The following KPNA5 variants were observed in gnomAD, a reference collection of about 807,000 sequenced individuals.
KPNA5 encodes importin subunit alpha-6.
Under a neutral mutation model 71.3 loss-of-function variants are expected in KPNA5, and 46 were observed. That is an observed-to-expected ratio of 0.65 (90% CI 0.51 to 0.83). The LOEUF is 0.83. Among genes scored for constraint, KPNA5 ranks in the 40% least tolerant of loss-of-function variants. The pLI is 0.00. For synonymous variants in KPNA5, 207 were observed against 201.4 expected (o/e 1.03, Z -0.24); for missense variants, 547 against 628.3 (o/e 0.87, Z 1.38).
intron 4 of KPNA5, among the ~76,000 whole-genome samples, chr6:116,693,943 CT>C (rs564613583): frequency 0.015 from 2,221 of 152,096 alleles, 5 homozygotes; most frequent in Non-Finnish European, 0.024. Flanking sequence ...CCAGTTTCAG[CT>C]TTCTACATAT....
rs761664956 is a variant in KPNA5 at position 116,716,248 on chromosome 6, C to T, written c.686C>T (p.Thr229Ile). 1.9e-6 allele frequency: 3 copies of T among 1,613,054 alleles called. No homozygotes were observed. The Admixed American group carries it at 5.0e-5, about 27-fold the overall frequency. Residue 229 changes from threonine to isoleucine, a missense_variant, in exon 8 of 14, where the codon ACA (threonine) becomes ATA (isoleucine). Thr to Ile is a moderately conservative substitution (Grantham distance 89). Transcript: ENST00000368564. ...ELLTNSNRLT[T>I]TRNAVWALSN... ...TTAACAAATTCAAACAGACTCACAA[C>T]AACAAGAAATGCCGTGTGGGCCCTC... is the stretch of plus-strand genomic sequence containing the variant.
chr6:116,686,531 T>C (rs1777596290), intron 1 of KPNA5, among the ~76,000 whole-genome samples: 1 of 152,206 alleles, frequency 6.6e-6, no homozygotes, highest in South Asian at 2.1e-4. Context: ...ATTCTTTTGC[T>C]GTGCAGGAGC....
chr6:116,722,260 AG>A lies in KPNA5; in HGVS notation c.892del (p.Val298SerfsTer9). The A allele has an allele frequency of 6.2e-7, 1 of 1,610,642 alleles. No individual in the cohort carries two copies. The highest frequency in any genetic ancestry group is 8.5e-7 in the Non-Finnish European group (1 of 1,178,606). Reference protein sequence around the residue: ...DKIQAVIDSGVCRRLVELLMH... With the variant: ...DKIQAVIDSGXCRRLVELLMH... ...AAATTCAAGCAGTCATTGATTCTGGAGTCTGTCGAAGATTGGTGGAACTTTT... is the reference window on the plus strand; with the variant it reads ...AAATTCAAGCAGTCATTGATTCTGGATCTGTCGAAGATTGGTGGAACTTTT... On this transcript the variant is annotated frameshift_variant, in exon 9 of 14. Coordinates refer to ENST00000368564, the MANE Select transcript of KPNA5 (RefSeq NM_001366306.2). LOFTEE classifies it high-confidence loss of function.
Position 116,736,728 on chromosome 6 carries a change from C to T in KPNA5, c.*4405C>T, listed in dbSNP as rs770478565. ...TATATTAGTCTGCCTGAAATACTCA[C>T]ACAGCTTATTAATGCTTTGCTCATT... On this transcript the variant is annotated 3_prime_UTR_variant, in exon 14 of 14. Coordinates refer to ENST00000368564, the MANE Select transcript of KPNA5 (RefSeq NM_001366306.2). 5.3e-5 allele frequency: 8 copies of T among 151,958 alleles called. No homozygotes were observed. Among genetic ancestry groups the T allele is most frequent in the Non-Finnish European group, 7.4e-5 (5 of 67,938 alleles). The allele number at this position is 151,958 out of a possible 1,614,324, so 9.4% of individuals were successfully genotyped here.
At chr6:116,718,269 T>C (rs1778970974) in intron 8 of KPNA5, among the ~76,000 whole-genome samples, 1 of 149,632 alleles carries the variant, frequency 6.7e-6, no homozygotes, top group Admixed American at 6.6e-5. Flanking sequence ...TTTTTTTCTT[T>C]TTTTTTTTTT....
rs1353969121 is a variant in KPNA5, at chr6:116,741,408, A to G, written c.*9085A>G. On this transcript the variant is annotated 3_prime_UTR_variant, in exon 14 of 14. Transcript: ENST00000368564. ...TTGTACATTTATGTGCTAAAAGTAC[A>G]GAACAATAGTTGACATTTTCAGAGT... 6.6e-6 allele frequency: 1 copy of G among 152,172 alleles called. No homozygotes were observed. Among genetic ancestry groups the G allele is most frequent in the Non-Finnish European group, 1.5e-5 (1 of 68,036 alleles). The allele number at this position is 152,172 out of a possible 1,614,324, so 9.4% of individuals were successfully genotyped here.
intron 4 of KPNA5, 125 bp from the exon 5 acceptor site, chr6:116,698,579 G>A (rs1583413370): frequency 1.7e-6 from 1 of 591,608 alleles, no homozygotes; most frequent in East Asian, 3.5e-5. Context: ...TCTAGCTAAG[G>A]GTTTTAATCT....
At chr6:116,707,589 T>G (rs1778495728) in intron 7 of KPNA5, among the ~76,000 whole-genome samples, 1 of 152,202 alleles carries the variant, frequency 6.6e-6, no homozygotes, top group Non-Finnish European at 1.5e-5. Context: ...TCAGCATAGG[T>G]GAGTAATAAA....
chr6:116,689,397 C>A lies in KPNA5; in HGVS notation c.82C>A (p.Arg28Ser). The A allele has an allele frequency of 6.2e-7, 1 of 1,607,952 alleles. No individual in the cohort carries two copies. The highest frequency in any genetic ancestry group is 8.5e-7 in the Non-Finnish European group (1 of 1,177,480). The change falls in exon 2 of 14, where the codon CGT becomes AGT. Residue 28 changes from arginine to serine, a missense_variant. Physicochemically the swap from Arg to Ser is moderately radical, Grantham distance 110 (BLOSUM62 -1). Transcript: ENST00000368564. ...KNKALNPQEM[R>S]RRREEEGIQL... is the part of the protein sequence containing the mutation. ...TAAAGCCCTAAATCCTCAAGAGATG[C>A]GTAGACGAAGAGAAGAAGAAGGAAT...
rs184075047 is a variant in KPNA5 at position 116,727,033 on chromosome 6, T to C, written c.1253+411T>C. 4.8e-3 allele frequency among the ~76,000 whole-genome samples: 725 copies of C among 152,210 alleles called. 3 individuals are homozygous for C. The highest frequency in any genetic ancestry group is 7.0e-3 in the Non-Finnish European group (476 of 67,950). On this transcript the variant is annotated intron_variant, in intron 12 of 13. Transcript: ENST00000368564. Reference sequence around the variant, plus strand: ...TATATGGTGATGTTCTGGTCCTCATTGATTGTTAGCCTTGCCTATGGATAG... The same window carrying C: ...TATATGGTGATGTTCTGGTCCTCATCGATTGTTAGCCTTGCCTATGGATAG...
intron 10 of KPNA5, 46 bp from the exon 11 acceptor site, chr6:116,725,705 G>T (rs1779263052): frequency 1.3e-6 from 2 of 1,487,668 alleles, no homozygotes; most frequent in South Asian, 2.4e-5. Flanking sequence ...TTTCATATAG[G>T]TTATTTACTA....
chr6:116,730,341 C>T (rs1779438728), intron 13 of KPNA5, among the ~76,000 whole-genome samples: 2 of 151,944 alleles, frequency 1.3e-5, no homozygotes, highest in Admixed American at 1.3e-4. Context: ...GCCACCTCAA[C>T]CTCCCAAAGT....
chr6:116,685,241 C>T (rs998767154), intron 1 of KPNA5, among the ~76,000 whole-genome samples: 13 of 152,112 alleles, frequency 8.5e-5, no homozygotes, highest in African/African-American at 3.1e-4. Flanking sequence ...ACTCAAATAC[C>T]GTGCTAAATG....
At position 116,681,255 on chromosome 6, in the gene KPNA5, G is replaced by C; in HGVS notation, c.-80G>C. The C allele has an allele frequency of 6.3e-7, 1 of 1,586,822 alleles. No individual in the cohort carries two copies. Among genetic ancestry groups the C allele is most frequent in the South Asian group, 1.1e-5 (1 of 90,148 alleles). On this transcript the variant is annotated 5_prime_UTR_variant, in exon 1 of 14. Transcript: ENST00000368564. ...GTCGCTACGCTTCACGCCAGGGGCG[G>C]AGTGGCGGCCCTTCTGTTACCCGCC... is the stretch of plus-strand genomic sequence containing the variant.
chr6:116,723,803 C>T (rs1779203044), intron 9 of KPNA5, among the ~76,000 whole-genome samples: 1 of 151,918 alleles, frequency 6.6e-6, no homozygotes. Context: ...TTTGCATTAT[C>T]TCAAAGTATT....
intron 10 of KPNA5, 104 bp downstream of exon 10, chr6:116,724,479 A>G: frequency 2.8e-6 from 2 of 715,062 alleles, no homozygotes; most frequent in Non-Finnish European, 2.4e-6. Flanking sequence ...TAGCATCACC[A>G]TAATTGTGTG....
chr6:116,710,971 G>T (rs4946190), intron 7 of KPNA5, among the ~76,000 whole-genome samples: 36,885 of 137,970 alleles, frequency 0.27, 5,822 homozygotes, highest in African/African-American at 0.43. Flanking sequence ...CTCGACTCAC[G>T]GCACACTCTG....
At chr6:116,692,193 A>C in intron 3 of KPNA5, 37 bp downstream of exon 3, 1 of 1,470,218 alleles carries the variant, frequency 6.8e-7, no homozygotes. Flanking sequence ...ATTATACCTC[A>C]ATAATTTTAG....
Position 116,722,261 on chromosome 6 carries a change from G to A in KPNA5, c.892G>A (p.Val298Ile), listed in dbSNP as rs769366203. Residue 298 changes from valine (V) to isoleucine (I), a missense_variant, in exon 9 of 14, where the codon GTC (valine) becomes ATC (isoleucine). By Grantham distance (29) the Val-to-Ile change is conservative. Coordinates refer to ENST00000368564, the MANE Select transcript of KPNA5 (RefSeq NM_001366306.2). ...DKIQAVIDSG[V>I]CRRLVELLMH... ...AATTCAAGCAGTCATTGATTCTGGA[G>A]TCTGTCGAAGATTGGTGGAACTTTT... 8 of 1,610,406 alleles carry A rather than the reference G, an allele frequency of 5.0e-6. No individual in the cohort carries two copies. The African/African-American group carries it at 5.3e-5, about 11-fold the overall frequency.
Sources: gnomAD v4.1 joint callset for allele counts (sites outside exome capture counted in the v4.1 genomes callset) on GRCh38, gnomAD v4.1.1 for gene constraint, MANE v1.5 for transcripts, NCBI Gene and HGNC (gene_info 2026-07-23, HGNC 2026-07-21) for gene names.